Variants in COBLL1 observed in about 807,000 individuals in gnomAD.
COBLL1 encodes the protein cordon-bleu protein-like 1.
Under a neutral mutation model 94.8 loss-of-function variants are expected in COBLL1, and 50 were observed. That is an observed-to-expected ratio of 0.53 (90% CI 0.42 to 0.67). The LOEUF is 0.67. Among genes scored for constraint, COBLL1 ranks in the 30% least tolerant of loss-of-function variants. The pLI, the probability that COBLL1 is intolerant of heterozygous loss-of-function variation, is 0.00. For synonymous variants in COBLL1, 448 were observed against 473.8 expected (o/e 0.95, Z 0.71); for missense variants, 1,362 against 1,348.7 (o/e 1.01, Z -0.15).
At chr2:164,726,328 C>T (rs191521135) in intron 5 of COBLL1, among the ~76,000 whole-genome samples, 224 of 151,852 alleles carry the variant, frequency 1.5e-3, no homozygotes, top group African/African-American at 5.1e-3. Flanking sequence ...ATAATATATG[C>T]AGTTTGTTAA....
upstream of COBLL1, chr2:164,842,066 C>A: frequency 6.6e-7 from 1 of 1,511,564 alleles, no homozygotes; most frequent in South Asian, 1.2e-5. Flanking sequence ...AAGCAGCGAG[C>A]CGGAGAGAGG....
chr2:164,679,033 A>T (rs1005251765), downstream of COBLL1, among the ~76,000 whole-genome samples: 5 of 152,118 alleles, frequency 3.3e-5, no homozygotes, highest in African/African-American at 1.2e-4. Flanking sequence ...CTATCCACCC[A>T]GTTTTGGAAG....
intron 3 of COBLL1, among the ~76,000 whole-genome samples, chr2:164,732,591 C>T (rs1329982223): frequency 6.6e-6 from 1 of 152,206 alleles, no homozygotes; most frequent in Non-Finnish European, 1.5e-5. Context: ...GAAGGGGTAG[C>T]TGTCTGCTGT....
intron 2 of COBLL1, among the ~76,000 whole-genome samples, chr2:164,761,125 C>A (rs181711115): frequency 6.6e-6 from 1 of 152,036 alleles, no homozygotes; most frequent in Non-Finnish European, 1.5e-5. Flanking sequence ...AATGCAAATA[C>A]TGGCCAGGCA....
intron 2 of COBLL1, among the ~76,000 whole-genome samples, chr2:164,799,709 G>A (rs967458498): frequency 2.0e-5 from 3 of 152,122 alleles, no homozygotes; most frequent in African/African-American, 7.2e-5. Context: ...TATAAAGAAA[G>A]CTACAGTAAT....
chr2:164,701,671 TA>T (rs3835923), intron 9 of COBLL1, among the ~76,000 whole-genome samples: 5,448 of 151,860 alleles, frequency 0.036, 140 homozygotes, highest in African/African-American at 0.087. Flanking sequence ...TTTCACTGTA[TA>T]AAAAAAATGT....
chr2:164,679,442 T>C (rs1392026942), downstream of COBLL1, among the ~76,000 whole-genome samples: 2 of 152,096 alleles, frequency 1.3e-5, no homozygotes, highest in African/African-American at 4.8e-5. Context: ...AAAAAAACTT[T>C]TTGAAGATTG....
At chr2:164,813,666 T>C (rs1365159446) in intron 2 of COBLL1, among the ~76,000 whole-genome samples, 3 of 152,142 alleles carry the variant, frequency 2.0e-5, no homozygotes, top group Non-Finnish European at 4.4e-5. Context: ...GGCTTCCAAT[T>C]TCAACTCCAA....
intron 2 of COBLL1, among the ~76,000 whole-genome samples, chr2:164,786,696 A>G (rs1487370052): frequency 1.3e-5 from 2 of 152,122 alleles, no homozygotes; most frequent in African/African-American, 2.4e-5. Flanking sequence ...GAGATCCAGA[A>G]TCACTTCCCA....
At chr2:164,690,820 T>C (rs1039993753) in intron 13 of COBLL1, among the ~76,000 whole-genome samples, 6 of 152,154 alleles carry the variant, frequency 3.9e-5, no homozygotes, top group Admixed American at 3.3e-4. Flanking sequence ...GCGAAATTTA[T>C]TGAACTGAGA....
rs1021367613 is a variant in COBLL1, at chr2:164,740,121, G to A, written c.230+3566C>T. On this transcript the variant is annotated intron_variant, in intron 3 of 13. Coordinates refer to ENST00000652658, the MANE Select transcript of COBLL1 (RefSeq NM_001365672.2). ...CATGCCTGAATTATAAAACTACTGC[G>A]AACAAAGTCCCTAAATGAAACCCCA... Among the ~76,000 whole-genome samples the A allele has an allele frequency of 4.6e-5, 7 of 152,068 alleles. No individual in the cohort carries two copies. In the South Asian group the frequency reaches 8.3e-4, roughly 18 times the overall value.
chr2:164,762,328 A>C (rs1687723637), intron 2 of COBLL1, among the ~76,000 whole-genome samples: 4 of 152,194 alleles, frequency 2.6e-5, no homozygotes. Flanking sequence ...TGTTTGAAGG[A>C]GGACAAGTCT....
At position 164,689,912 on chromosome 2, in the gene COBLL1, C is replaced by T. The variant is rs59223013; in HGVS notation, c.3300+2309G>A. ...CTTCCTTGCTTTTAAAAATAACTGC[C>T]ACTTATGCATGCATCACTAAATAAT... On this transcript the variant is annotated intron_variant, in intron 13 of 13. Coordinates refer to ENST00000652658, the MANE Select transcript of COBLL1 (RefSeq NM_001365672.2). Among the ~76,000 whole-genome samples the T allele has an allele frequency of 1.4e-3, 220 of 152,168 alleles. 1 individual carries two copies. The highest frequency in any genetic ancestry group is 4.8e-3 in the African/African-American group (200 of 41,532).
intron 2 of COBLL1, among the ~76,000 whole-genome samples, chr2:164,831,104 C>A (rs1050915573): frequency 2.0e-5 from 3 of 152,134 alleles, no homozygotes; most frequent in African/African-American, 7.2e-5. Flanking sequence ...GGGTGGTTCA[C>A]CCAAGTTCAG....
At chr2:164,805,327 C>CTA (rs1282917607) in intron 2 of COBLL1, among the ~76,000 whole-genome samples, 88 of 26,450 alleles carry the variant, frequency 3.3e-3, no homozygotes, top group Admixed American at 8.3e-3. Context: ...CTCTCTCTCT[C>CTA]TCTCTCTCTC....
intron 2 of COBLL1, among the ~76,000 whole-genome samples, chr2:164,785,407 C>G (rs889614219): frequency 2.0e-5 from 3 of 152,102 alleles, no homozygotes; most frequent in Non-Finnish European, 4.4e-5. Context: ...CAGATAGTCA[C>G]ACAAATGGAC....
intron 7 of COBLL1, among the ~76,000 whole-genome samples, chr2:164,708,532 C>T (rs1231013079): frequency 6.6e-6 from 1 of 152,208 alleles, no homozygotes; most frequent in Admixed American, 6.5e-5. Context: ...TGTTCTAAAA[C>T]TTTCCCTTGA....
intron 10 of COBLL1, 63 bp from the exon 11 acceptor site, chr2:164,699,562 C>T (rs1684140774): frequency 1.2e-6 from 1 of 860,164 alleles, no homozygotes; most frequent in East Asian, 2.5e-5. Flanking sequence ...TACACACACA[C>T]ACAGACACAC....
intron 7 of COBLL1, among the ~76,000 whole-genome samples, chr2:164,714,481 G>A (rs898714454): frequency 1.2e-4 from 18 of 152,016 alleles, no homozygotes; most frequent in African/African-American, 4.1e-4. Context: ...ACAGTGATGA[G>A]GATAGAGGTG....
Sources: gnomAD v4.1 joint callset for allele counts (sites outside exome capture counted in the v4.1 genomes callset) on GRCh38, gnomAD v4.1.1 for gene constraint, MANE v1.5 for transcripts, NCBI Gene and HGNC (gene_info 2026-07-23, HGNC 2026-07-21) for gene names.